ITPRID1: variants seen among roughly 807,000 people sequenced by gnomAD.
ITPRID1 encodes the protein protein ITPRID1.
Under a neutral mutation model 95.4 loss-of-function variants are expected in ITPRID1, and 96 were observed. That is an observed-to-expected ratio of 1.01 (90% CI 0.85 to 1.19). The LOEUF (loss-of-function observed/expected upper bound fraction) is 1.19. Among genes scored for constraint, ITPRID1 ranks in the 50% most tolerant of loss-of-function variants. ITPRID1 has a pLI of 0.00. For synonymous variants in ITPRID1, 510 were observed against 453.6 expected (o/e 1.12, Z -1.58); for missense variants, 1,339 against 1,252.9 (o/e 1.07, Z -1.04).
At chr7:31,610,966 T>A (rs1427129842) in intron 10 of ITPRID1, among the ~76,000 whole-genome samples, 1 of 151,696 alleles carries the variant, frequency 6.6e-6, no homozygotes, top group African/African-American at 2.4e-5. Flanking sequence ...ATGTAATTAT[T>A]GATAAGGTAG....
intron 9 of ITPRID1, among the ~76,000 whole-genome samples, chr7:31,580,638 A>G (rs1785366171): frequency 2.0e-5 from 3 of 151,178 alleles, no homozygotes; most frequent in African/African-American, 7.3e-5. Flanking sequence ...ATTTGGGGAG[A>G]GAGTAGAAAC....
intron 1 of ITPRID1, among the ~76,000 whole-genome samples, chr7:31,547,235 G>T (rs1158107155): frequency 2.0e-5 from 3 of 152,208 alleles, no homozygotes; most frequent in Non-Finnish European, 4.4e-5. Flanking sequence ...TAGCATTGGA[G>T]ATGGTTGGTC....
At position 31,572,173 on chromosome 7, in the gene ITPRID1, C is replaced by G; in HGVS notation, c.380C>G (p.Ala127Gly). ...GTSFNSCYST[A>G]SVPQSIPEWL... The stretch of plus-strand genomic sequence containing the variant: ...AGTTTCAACTCTTGCTATTCTACTG[C>G]AAGTGTACCACAAAGGTATGTAATT... The change falls in exon 7 of 15, where the codon GCA (alanine) becomes GGA (glycine). Residue 127 changes from alanine to glycine, a missense_variant. By Grantham distance (60) the Ala-to-Gly change is moderately conservative. Transcript: ENST00000615280. 1 of 1,606,000 alleles carries G rather than the reference C, an allele frequency of 6.2e-7. No individual in the cohort carries two copies. The highest frequency in any genetic ancestry group is 8.5e-7 in the Non-Finnish European group (1 of 1,173,492).
chr7:31,587,244 T>C (rs1349616151), intron 10 of ITPRID1, among the ~76,000 whole-genome samples: 1 of 152,080 alleles, frequency 6.6e-6, no homozygotes, highest in Non-Finnish European at 1.5e-5. Context: ...AAAACCCCAT[T>C]GTCTCAGCCC....
chr7:31,585,475 A>G (rs1450880848), intron 10 of ITPRID1, among the ~76,000 whole-genome samples: 4 of 152,214 alleles, frequency 2.6e-5, no homozygotes, highest in African/African-American at 9.7e-5. Context: ...AAGGAAAAAA[A>G]GGAAATATAT....
intron 14 of ITPRID1, 109 bp from the exon 15 acceptor site, chr7:31,652,409 C>G: frequency 6.9e-7 from 1 of 1,448,100 alleles, no homozygotes; most frequent in Non-Finnish European, 9.1e-7. Flanking sequence ...TCAAAGAGCC[C>G]ATTCTAGAGA....
At chr7:31,529,423 T>A in intron 1 of ITPRID1, 1 of 245,926 alleles carries the variant, frequency 4.1e-6, no homozygotes, top group Non-Finnish European at 7.8e-6. Flanking sequence ...CAGCAAGAGG[T>A]TTCACAGAAA....
chr7:31,546,522 C>T (rs191040199), intron 1 of ITPRID1, among the ~76,000 whole-genome samples: 3 of 152,166 alleles, frequency 2.0e-5, no homozygotes, highest in Admixed American at 1.3e-4. Flanking sequence ...TTTTCTGATG[C>T]TGTGTCCCTA....
chr7:31,590,297 C>T (rs1227307062), intron 10 of ITPRID1, among the ~76,000 whole-genome samples: 1 of 152,010 alleles, frequency 6.6e-6, no homozygotes, highest in Non-Finnish European at 1.5e-5. Context: ...CAGACTGGTA[C>T]ATGCATAAAA....
rs1374236528 is a variant in ITPRID1 at position 31,554,868 on chromosome 7, A to G, written c.223A>G (p.Asn75Asp). The G allele has an allele frequency of 6.3e-7, 1 of 1,579,596 alleles. No individual in the cohort carries two copies. Among genetic ancestry groups the G allele is most frequent in the Non-Finnish European group, 8.6e-7 (1 of 1,160,298 alleles). ...WLDSGFFVSA[N>D]ENFQQVIDRT... ...TTTGTTTCTTTACAGTGTCTCTGCA[A>G]ATGAAAACTTTCAACAAGTCATTGA... Residue 75 changes from asparagine (N) to aspartate (D), a missense_variant, in exon 5 of 15, where the codon AAT (asparagine) becomes GAT (aspartate). Physicochemically the swap from Asn to Asp is conservative, Grantham distance 23 (BLOSUM62 1). Transcript: ENST00000615280.
At chr7:31,625,911 C>T (rs1788426216) in intron 10 of ITPRID1, among the ~76,000 whole-genome samples, 1 of 151,842 alleles carries the variant, frequency 6.6e-6, no homozygotes, top group Non-Finnish European at 1.5e-5. Context: ...ATTTCAGATA[C>T]AGGTACACCT....
chr7:31,613,599 A>G (rs1055313037), intron 10 of ITPRID1, among the ~76,000 whole-genome samples: 1 of 152,208 alleles, frequency 6.6e-6, no homozygotes, highest in Non-Finnish European at 1.5e-5. Context: ...TGCTAGTAGA[A>G]TATCAGGTAG....
At chr7:31,622,975 C>T (rs999938009) in intron 10 of ITPRID1, among the ~76,000 whole-genome samples, 4 of 152,144 alleles carry the variant, frequency 2.6e-5, no homozygotes, top group African/African-American at 9.7e-5. Context: ...ATACTACAAA[C>T]ATCTACGCCA....
In ITPRID1 at chr7:31,569,823, T is replaced by C. The variant is rs1354087847; in HGVS notation, c.308+14T>C. ...AGACTACATGAGGTAGGTAGCAGAATCAGTGTTACTTCATGCCAATATTTT... is the reference window on the plus strand; with the variant it reads ...AGACTACATGAGGTAGGTAGCAGAACCAGTGTTACTTCATGCCAATATTTT... On this transcript the variant is annotated intron_variant, in intron 6 of 14. Coordinates refer to ENST00000615280, the MANE Select transcript of ITPRID1 (RefSeq NM_001257967.3). 1 of 1,575,434 alleles carries C rather than the reference T, an allele frequency of 6.3e-7. No homozygotes were observed.
chr7:31,519,595 T>TCC, intron 1 of ITPRID1, among the ~76,000 whole-genome samples: 1 of 57,070 alleles, frequency 1.8e-5, no homozygotes, highest in Middle Eastern at 6.8e-3. Flanking sequence ...TCTCTCTCTC[T>TCC]CTCTCTCTCT....
intron 10 of ITPRID1, among the ~76,000 whole-genome samples, chr7:31,634,295 GATT>G (rs767536357): frequency 2.2e-4 from 33 of 152,258 alleles, no homozygotes; most frequent in Non-Finnish European, 3.2e-4. Flanking sequence ...TATTAACCAT[GATT>G]ATTATTAATG....
intron 10 of ITPRID1, among the ~76,000 whole-genome samples, chr7:31,597,370 G>C (rs2128157675): frequency 2.0e-5 from 3 of 151,994 alleles, no homozygotes; most frequent in Non-Finnish European, 4.4e-5. Flanking sequence ...TACAAAACTT[G>C]AGAAGTGACA....
intron 6 of ITPRID1, among the ~76,000 whole-genome samples, chr7:31,570,800 A>G (rs889766882): frequency 6.6e-6 from 1 of 152,020 alleles, no homozygotes; most frequent in Non-Finnish European, 1.5e-5. Flanking sequence ...GCTCTGCTGC[A>G]CCTTCCAAAA....
At chr7:31,616,911 G>T (rs1562612750) in intron 10 of ITPRID1, among the ~76,000 whole-genome samples, 1 of 152,094 alleles carries the variant, frequency 6.6e-6, no homozygotes, top group Non-Finnish European at 1.5e-5. Flanking sequence ...CTTCTTGGTG[G>T]TTTGTGGGAA....
Sources: allele counts gnomAD v4.1 joint callset (sites outside exome capture counted in the v4.1 genomes callset), GRCh38; gene constraint gnomAD v4.1.1; transcripts MANE v1.5; gene names NCBI Gene and HGNC (gene_info 2026-07-23, HGNC 2026-07-21).